CCDC73: variants seen among roughly 807,000 people sequenced by gnomAD.
CCDC73 encodes the protein coiled-coil domain containing 73.
In CCDC73, 95 loss-of-function variants were observed where a neutral mutation model predicts 116.5. The observed-to-expected ratio is 0.82, with a 90% CI of 0.69 to 0.97. CCDC73 has a LOEUF of 0.97. CCDC73 is among the 50% of genes least tolerant of loss of function. The pLI is 0.00. For synonymous variants in CCDC73, 398 were observed against 401.3 expected, an observed-to-expected ratio of 0.99 and a Z score of 0.10; for missense variants, 1,066 against 1,206.8, an observed-to-expected ratio of 0.88 and a Z score of 1.73.
chr11:32,778,344 A>T (rs1850554588), intron 1 of CCDC73, among the ~76,000 whole-genome samples: 1 of 152,244 alleles, frequency 6.6e-6, no homozygotes, highest in Non-Finnish European at 1.5e-5. Flanking sequence ...TGGTCACTGG[A>T]TGTTTTTAAA....
intron 7 of CCDC73, among the ~76,000 whole-genome samples, chr11:32,677,043 T>C (rs1378293478): frequency 6.6e-6 from 1 of 152,242 alleles, no homozygotes; most frequent in East Asian, 1.9e-4. Flanking sequence ...TCACTTGACA[T>C]TAGCAGAATC....
intron 9 of CCDC73, among the ~76,000 whole-genome samples, chr11:32,666,065 T>C (rs1423354393): frequency 3.3e-5 from 5 of 152,218 alleles, no homozygotes; most frequent in Admixed American, 6.5e-5. Flanking sequence ...GTGGGTAACC[T>C]GATGTTTCTC....
chr11:32,683,545 C>A lies in CCDC73; in HGVS notation c.420G>T (p.Val140=). The A allele has an allele frequency of 6.6e-7, 1 of 1,523,064 alleles. No individual in the cohort carries two copies. The highest frequency in any genetic ancestry group is 9.1e-7 in the Non-Finnish European group (1 of 1,100,612). The allele number at this position is 1,523,064 out of a possible 1,614,324, so 94.3% of individuals were successfully genotyped here. The change falls in exon 7 of 18, where the codon GTG becomes GTT. Residue 140 remains valine, a synonymous_variant. Transcript: ENST00000335185. ...TTTGTAATTTCCTTACCATTTCACT[C>A]ACTTTCTTCTGTAAAGAGTATTTAG... ...QVSKYSLQKK[V]SEMEQKVQLH...
chr11:32,675,946 C>T lies in CCDC73; in HGVS notation c.505G>A (p.Ala169Thr). The part of the protein sequence containing the change: ...KQLSEIEKYY[A>T]TITGQFGLVK... ...AATCCAAATTGACCTGTTATTGTGG[C>T]ATAATATTTCTCAATTTCACTCAGT... Residue 169 changes from alanine to threonine, a missense_variant, in exon 8 of 18, where the codon GCC becomes ACC. Transcript: ENST00000335185. 1 of 1,609,012 alleles carries T rather than the reference C, an allele frequency of 6.2e-7. No individual in the cohort carries two copies. Among genetic ancestry groups the T allele is most frequent in the Non-Finnish European group, 8.5e-7 (1 of 1,178,030 alleles).
At chr11:32,747,801 T>C (rs1442334175) in intron 2 of CCDC73, among the ~76,000 whole-genome samples, 2 of 152,292 alleles carry the variant, frequency 1.3e-5, no homozygotes, top group East Asian at 3.9e-4. Flanking sequence ...GCGAAGACCA[T>C]GGTAAAGTGC....
chr11:32,668,390 T>C (rs1371509118), intron 9 of CCDC73, among the ~76,000 whole-genome samples: 2 of 152,138 alleles, frequency 1.3e-5, no homozygotes, highest in Non-Finnish European at 2.9e-5. Context: ...AGTACCTTAA[T>C]AGATTCAAAG....
At chr11:32,743,897 ATTTC>A (rs1434720250) in intron 2 of CCDC73, among the ~76,000 whole-genome samples, 1 of 152,194 alleles carries the variant, frequency 6.6e-6, no homozygotes, top group African/African-American at 2.4e-5. Context: ...AATACCCTTT[ATTTC>A]TTTCTCTTGC....
intron 14 of CCDC73, among the ~76,000 whole-genome samples, chr11:32,627,265 A>C (rs1329304432): frequency 1.8e-4 from 28 of 152,342 alleles, no homozygotes; most frequent in Non-Finnish European, 1.5e-5. Flanking sequence ...CAAAACCACA[A>C]TGAGATACCA....
Position 32,642,503 on chromosome 11 carries a change from CAATTTT to C in CCDC73, c.940-427_940-422del, listed in dbSNP as rs1372212433. Among the ~76,000 whole-genome samples, 18 of 152,046 alleles carry C rather than the reference CAATTTT, an allele frequency of 1.2e-4. No homozygotes were observed. In the East Asian group the frequency reaches 2.5e-3, roughly 21 times the overall value. On this transcript the variant is annotated intron_variant, in intron 12 of 17. Coordinates refer to ENST00000335185, the MANE Select transcript of CCDC73 (RefSeq NM_001008391.4). ...TAACTGGCTAGAAAACTCTTAAATACAATTTTAATTTTAATTTCAAATTAACACTTT... is the reference window on the plus strand; with the variant it reads ...TAACTGGCTAGAAAACTCTTAAATACAATTTTAATTTCAAATTAACACTTT...
chr11:32,748,257 G>T (rs1160913202), intron 2 of CCDC73, among the ~76,000 whole-genome samples: 1 of 151,230 alleles, frequency 6.6e-6, no homozygotes, highest in Non-Finnish European at 1.5e-5. Flanking sequence ...TTCTCTGGTG[G>T]TATTTTTTAA....
In CCDC73 at chr11:32,700,432, T is replaced by C. The variant is rs181763670; in HGVS notation, c.315+359A>G. ...GACAGTAGTTCCATTGAAAAAGCACTAAAAACATCATGGTTAATAGAAACA... is the reference window on the plus strand; with the variant it reads ...GACAGTAGTTCCATTGAAAAAGCACCAAAAACATCATGGTTAATAGAAACA... On this transcript the variant is annotated intron_variant, in intron 5 of 17. Transcript: ENST00000335185. Among the ~76,000 whole-genome samples, 415 of 152,290 alleles carry C rather than the reference T, an allele frequency of 2.7e-3. 2 individuals carry two copies. The highest frequency in any genetic ancestry group is 4.2e-3 in the Non-Finnish European group (286 of 68,012).
the CCDC73 span, chr11:32,830,221 A>G: frequency 9.3e-7 from 1 of 1,070,032 alleles, no homozygotes; most frequent in Non-Finnish European, 1.1e-6. Context: ...GTTACCTGGA[A>G]GGGGCCACCT....
chr11:32,767,450 CA>C (rs1850452947), intron 1 of CCDC73, among the ~76,000 whole-genome samples: 2 of 152,174 alleles, frequency 1.3e-5, no homozygotes, highest in South Asian at 4.1e-4. Context: ...GCAATGGCAA[CA>C]AAAGCCAACA....
intron 14 of CCDC73, among the ~76,000 whole-genome samples, chr11:32,632,156 T>C (rs1855637307): frequency 6.6e-6 from 1 of 152,240 alleles, no homozygotes; most frequent in South Asian, 2.1e-4. Context: ...ATATTGCCTA[T>C]CTTGGTGAAT....
At chr11:32,716,492 ATGTT>A (rs1849947317) in intron 3 of CCDC73, among the ~76,000 whole-genome samples, 1 of 152,196 alleles carries the variant, frequency 6.6e-6, no homozygotes, top group Admixed American at 6.5e-5. Context: ...CCACTCTTGT[ATGTT>A]TATTTCCACA....
intron 2 of CCDC73, among the ~76,000 whole-genome samples, chr11:32,756,545 G>T (rs1220333766): frequency 1.3e-5 from 2 of 149,028 alleles, no homozygotes; most frequent in Admixed American, 6.8e-5. Context: ...TATTACAATT[G>T]TATATTTTCT....
chr11:32,765,475 G>A (rs146841709), intron 1 of CCDC73, among the ~76,000 whole-genome samples: 7,582 of 152,118 alleles, frequency 0.05, 212 homozygotes, highest in African/African-American at 0.071. Context: ...AAAACTGCTC[G>A]ACCACGTGGA....
At chr11:32,787,164 T>G (rs1309757571) in intron 1 of CCDC73, among the ~76,000 whole-genome samples, 1 of 152,222 alleles carries the variant, frequency 6.6e-6, no homozygotes, top group African/African-American at 2.4e-5. Flanking sequence ...AACAAAGTGA[T>G]GTGTATTATC....
At position 32,614,950 on chromosome 11, in the gene CCDC73, G is replaced by C; in HGVS notation, c.1376-8C>G. The C allele has an allele frequency of 6.4e-7, 1 of 1,562,438 alleles. No individual in the cohort carries two copies. Among genetic ancestry groups the C allele is most frequent in the Admixed American group, 1.8e-5 (1 of 54,518 alleles). On this transcript the variant is annotated splice_region_variant and splice_polypyrimidine_tract_variant and intron_variant, in intron 15 of 17. Transcript: ENST00000335185. Reference sequence around the variant, plus strand: ...TTTCAAAAAGCTGTAAATCTGTCATGATGGGAACACAGTAAAATTTTATAT... The same window carrying C: ...TTTCAAAAAGCTGTAAATCTGTCATCATGGGAACACAGTAAAATTTTATAT...
Sources: gnomAD v4.1 joint callset for allele counts (sites outside exome capture counted in the v4.1 genomes callset) on GRCh38, gnomAD v4.1.1 for gene constraint, MANE v1.5 for transcripts, NCBI Gene and HGNC (gene_info 2026-07-23, HGNC 2026-07-21) for gene names.